FCHSD2: variants seen among roughly 807,000 people sequenced by gnomAD.
The protein encoded by FCHSD2 is F-BAR and double SH3 domains protein 2.
FCHSD2 carries 38 observed loss-of-function variants against 108.1 expected under a neutral mutation model. That is an observed-to-expected ratio of 0.35 (90% CI 0.27 to 0.46). The LOEUF is 0.46. Ranked by LOEUF, FCHSD2 falls within the 20% of genes least tolerant of loss-of-function variation. FCHSD2 has a pLI of 1.00. For missense variants in FCHSD2, 751 were observed against 897.8 expected, an observed-to-expected ratio of 0.84 and a Z score of 2.09; for synonymous variants, 279 against 314.7, an observed-to-expected ratio of 0.89 and a Z score of 1.20.
intron 12 of FCHSD2, among the ~76,000 whole-genome samples, chr11:72,883,661 G>C (rs903600210): frequency 2.6e-5 from 4 of 152,210 alleles, no homozygotes; most frequent in African/African-American, 9.6e-5. Flanking sequence ...GTCGGAGGCA[G>C]TGGCTCACGC....
At chr11:72,852,857 G>A (rs766995451) in intron 13 of FCHSD2, among the ~76,000 whole-genome samples, 5 of 152,122 alleles carry the variant, frequency 3.3e-5, no homozygotes, top group Admixed American at 6.5e-5. Context: ...GATGGAACTG[G>A]AGCCCATTAT....
At chr11:73,051,998 A>G (rs1858914393) in intron 3 of FCHSD2, among the ~76,000 whole-genome samples, 1 of 152,084 alleles carries the variant, frequency 6.6e-6, no homozygotes. Flanking sequence ...TAAAGAACCA[A>G]TTTCCAATGA....
At chr11:72,850,063 T>G (rs1379569711) in intron 13 of FCHSD2, among the ~76,000 whole-genome samples, 174 bp from the exon 14 acceptor site, 6 of 146,858 alleles carry the variant, frequency 4.1e-5, no homozygotes, top group East Asian at 4.0e-4. Context: ...TAGAGTTTTT[T>G]TTTTTTTTTT....
intron 2 of FCHSD2, among the ~76,000 whole-genome samples, chr11:73,103,026 T>C (rs1860260368): frequency 6.6e-6 from 1 of 152,232 alleles, no homozygotes; most frequent in Non-Finnish European, 1.5e-5. Context: ...GTATCTACTG[T>C]ATGATTCCAT....
intron 8 of FCHSD2, among the ~76,000 whole-genome samples, chr11:72,941,666 T>C (rs1856421689): frequency 1.3e-5 from 2 of 152,182 alleles, no homozygotes; most frequent in East Asian, 1.9e-4. Context: ...TTGTTGCTCA[T>C]ATATGTACGT....
intron 5 of FCHSD2, among the ~76,000 whole-genome samples, chr11:72,996,512 C>T (rs1177592630): frequency 6.6e-6 from 1 of 152,116 alleles, no homozygotes; most frequent in Non-Finnish European, 1.5e-5. Flanking sequence ...AATTTTTAAG[C>T]AAATGTCAGC....
intron 3 of FCHSD2, among the ~76,000 whole-genome samples, chr11:73,063,236 G>A (rs538179410): frequency 6.6e-6 from 1 of 152,200 alleles, no homozygotes. Flanking sequence ...ACAAGCAAAT[G>A]CTGAGGGATT....
intron 3 of FCHSD2, among the ~76,000 whole-genome samples, chr11:73,052,301 T>C (rs1212525163): frequency 6.6e-6 from 1 of 152,336 alleles, no homozygotes; most frequent in East Asian, 1.9e-4. Context: ...GATGGTGCAA[T>C]TGTAATGACA....
chr11:73,091,584 TTC>T (rs1323485535), intron 2 of FCHSD2, among the ~76,000 whole-genome samples: 6 of 151,900 alleles, frequency 3.9e-5, no homozygotes, highest in Non-Finnish European at 8.8e-5. Context: ...CAAATATCAC[TTC>T]CAGACAGAAT....
rs148222210 is a variant in FCHSD2 at position 72,906,857 on chromosome 11, C to T, written c.829-4219G>A. On this transcript the variant is annotated intron_variant, in intron 9 of 19. Transcript: ENST00000409418. Reference sequence around the variant, plus strand: ...TAGTATAGTTTGAAGTCAGGTAGCACGATGTCTCCAGCTTTGTTCTTTTTG... The same window carrying T: ...TAGTATAGTTTGAAGTCAGGTAGCATGATGTCTCCAGCTTTGTTCTTTTTG... Among the ~76,000 whole-genome samples, 46 of 152,124 alleles carry T rather than the reference C, an allele frequency of 3.0e-4. No individual in the cohort carries two copies. In the East Asian group the frequency reaches 7.7e-3, roughly 26 times the overall value.
At chr11:72,959,926 A>C (rs1856793190) in intron 8 of FCHSD2, among the ~76,000 whole-genome samples, 1 of 151,492 alleles carries the variant, frequency 6.6e-6, no homozygotes. Flanking sequence ...CAATGCACTG[A>C]CCTCAGTCTA....
At chr11:72,970,796 A>G (rs1856993184) in intron 8 of FCHSD2, among the ~76,000 whole-genome samples, 1 of 152,164 alleles carries the variant, frequency 6.6e-6, no homozygotes, top group Admixed American at 6.5e-5. Flanking sequence ...TTTAACACCA[A>G]TTTTGGGGTT....
intron 2 of FCHSD2, among the ~76,000 whole-genome samples, chr11:73,117,264 C>T (rs1219701524): frequency 1.3e-5 from 2 of 152,124 alleles, no homozygotes; most frequent in African/African-American, 2.4e-5. Flanking sequence ...AAGACACAGA[C>T]GGGTTAAGTA....
At position 72,917,396 on chromosome 11, in the gene FCHSD2, T is replaced by C. The variant is rs371074155; in HGVS notation, c.828+4432A>G. Among the ~76,000 whole-genome samples, 15 of 152,348 alleles carry C rather than the reference T, an allele frequency of 9.8e-5. No homozygotes were observed. In the East Asian group the frequency reaches 1.2e-3, roughly 12 times the overall value. Reference sequence around the variant, plus strand: ...ACCTTTGTTGCAAATCAATTGACCATAGATGTTCAGGTTTATTTCTGAACT... The same window carrying C: ...ACCTTTGTTGCAAATCAATTGACCACAGATGTTCAGGTTTATTTCTGAACT... On this transcript the variant is annotated intron_variant, in intron 9 of 19. Coordinates refer to ENST00000409418, the MANE Select transcript of FCHSD2 (RefSeq NM_014824.3).
At chr11:72,903,881 C>T (rs1231695810) in intron 9 of FCHSD2, among the ~76,000 whole-genome samples, 1 of 152,164 alleles carries the variant, frequency 6.6e-6, no homozygotes, top group Admixed American at 6.5e-5. Flanking sequence ...CATTTCTCTA[C>T]TGCTTCCCTC....
rs984043276 is a variant in FCHSD2 at position 72,902,709 on chromosome 11, G to T, written c.829-71C>A. ...TGTCCAATTACATTATAAAGTTTAAGATTTATTCTGCTATTTTCTATACAA... is the reference window on the plus strand; with the variant it reads ...TGTCCAATTACATTATAAAGTTTAATATTTATTCTGCTATTTTCTATACAA... On this transcript the variant is annotated intron_variant, in intron 9 of 19. Coordinates refer to ENST00000409418, the MANE Select transcript of FCHSD2 (RefSeq NM_014824.3). 3 of 887,796 alleles carry T rather than the reference G, an allele frequency of 3.4e-6. No homozygotes were observed. The African/African-American group carries it at 5.1e-5, about 15-fold the overall frequency. 55.0% of individuals were successfully genotyped at this position (887,796 alleles called of 1,614,324 possible). A position where few individuals can be genotyped will look rare whatever the true frequency, so the allele number is the denominator to read the frequency against.
intron 13 of FCHSD2, among the ~76,000 whole-genome samples, chr11:72,864,742 C>A (rs2135197799): frequency 6.6e-6 from 1 of 152,110 alleles, no homozygotes; most frequent in Non-Finnish European, 1.5e-5. Flanking sequence ...TCTTCTATTG[C>A]AGAATTAATA....
chr11:73,136,556 T>C (rs905578916), intron 2 of FCHSD2, among the ~76,000 whole-genome samples: 7 of 151,824 alleles, frequency 4.6e-5, no homozygotes, highest in Non-Finnish European at 1.0e-4. Context: ...AATTTAATAA[T>C]AATAAAAAAA....
chr11:73,061,901 C>T (rs1859173052), intron 3 of FCHSD2, among the ~76,000 whole-genome samples: 1 of 152,262 alleles, frequency 6.6e-6, no homozygotes, highest in East Asian at 1.9e-4. Context: ...ACTTAAACAT[C>T]CCTGCCTGGT....
Sources: gnomAD v4.1 joint callset for allele counts (sites outside exome capture counted in the v4.1 genomes callset) on GRCh38, gnomAD v4.1.1 for gene constraint, MANE v1.5 for transcripts, NCBI Gene and HGNC (gene_info 2026-07-23, HGNC 2026-07-21) for gene names.